Variants in CSNK1G1 observed in about 807,000 individuals in gnomAD.
The protein encoded by CSNK1G1 is casein kinase I isoform gamma-1.
Under a neutral mutation model 59.6 loss-of-function variants are expected in CSNK1G1, and 22 were observed. The observed-to-expected ratio is 0.37, with a 90% CI of 0.26 to 0.53. CSNK1G1 has a LOEUF of 0.53. Among genes scored for constraint, CSNK1G1 ranks in the 20% least tolerant of loss-of-function variants. The pLI is 0.89. For synonymous variants in CSNK1G1, 179 were observed against 177.1 expected, an observed-to-expected ratio of 1.01 and a Z score of -0.08; for missense variants, 384 against 519.5, an observed-to-expected ratio of 0.74 and a Z score of 2.54.
intron 1 of CSNK1G1, among the ~76,000 whole-genome samples, chr15:64,334,283 G>T (rs1488960662): frequency 2.0e-5 from 3 of 152,120 alleles, no homozygotes; most frequent in Non-Finnish European, 4.4e-5. Context: ...CTGCCAAAGT[G>T]CTGGGATTAC....
intron 3 of CSNK1G1, among the ~76,000 whole-genome samples, chr15:64,256,677 T>C (rs1220541389): frequency 1.3e-5 from 2 of 152,156 alleles, no homozygotes; most frequent in Non-Finnish European, 2.9e-5. Flanking sequence ...CCTAGAAATG[T>C]GGGTGATGGA....
At chr15:64,178,223 C>T (rs994661840) in intron 11 of CSNK1G1, among the ~76,000 whole-genome samples, 6 of 152,008 alleles carry the variant, frequency 3.9e-5, no homozygotes, top group Non-Finnish European at 7.4e-5. Flanking sequence ...GTATGGAAAT[C>T]GAAAAACTGT....
chr15:64,188,439 C>T lies in CSNK1G1; in HGVS notation c.1108-7985G>A, dbSNP rs1022046306. The T allele has an allele frequency of 6.5e-6, 10 of 1,536,116 alleles. No homozygotes were observed. In the Admixed American group the frequency reaches 9.8e-5, roughly 15 times the overall value. On this transcript the variant is annotated intron_variant, in intron 10 of 11. Transcript: ENST00000303052. This position sits in a 1 kb window ranked among gnomAD's most constrained non-coding sequence, Gnocchi z 4.2. The stretch of plus-strand genomic sequence containing the variant: ...CGTTAGGTATGAGGTATTGGTCTGC[C>T]GGCTGGGCTGAATTTCCCACTCTCC...
rs549459964 is a variant in CSNK1G1, at chr15:64,312,937, T to A, written c.-224-12214A>T. On this transcript the variant is annotated intron_variant, in intron 1 of 11. Transcript: ENST00000303052. ...AAAAACAAACAACCCCATCAAAAAG[T>A]GGGCAAAGGATATAAACAGACACTT... Among the ~76,000 whole-genome samples, 470 of 152,240 alleles carry A rather than the reference T, an allele frequency of 3.1e-3. 1 individual carries two copies. Among genetic ancestry groups the A allele is most frequent in the African/African-American group, 0.011 (453 of 41,534 alleles).
rs1037255716 is a variant in CSNK1G1 at position 64,210,958 on chromosome 15, TG to T, written c.679+2931del. Among the ~76,000 whole-genome samples, 1 of 152,194 alleles carries T rather than the reference TG, an allele frequency of 6.6e-6. No homozygotes were observed. Among genetic ancestry groups the T allele is most frequent in the African/African-American group, 2.4e-5 (1 of 41,448 alleles). Reference sequence around the variant, plus strand: ...CCCCCCTTCCCATGTGATCTGCACATGCTGGCTGCTCCCCTTCCCCTTACAC... The same window carrying T: ...CCCCCCTTCCCATGTGATCTGCACATCTGGCTGCTCCCCTTCCCCTTACAC... On this transcript the variant is annotated intron_variant, in intron 6 of 11. Coordinates refer to ENST00000303052, the MANE Select transcript of CSNK1G1 (RefSeq NM_022048.5). The surrounding 1 kb of genome is among the most constrained non-coding windows in gnomAD (Gnocchi z 4.2).
chr15:64,297,348 C>T (rs544333907), intron 2 of CSNK1G1, among the ~76,000 whole-genome samples: 97 of 151,952 alleles, frequency 6.4e-4, no homozygotes, highest in East Asian at 4.5e-3. Flanking sequence ...CAACCCACTA[C>T]GCAAAATTTT....
Position 64,188,724 on chromosome 15 carries a change from A to G in CSNK1G1, c.1108-8270T>C, listed in dbSNP as rs765834824. On this transcript the variant is annotated intron_variant, in intron 10 of 11. Coordinates refer to ENST00000303052, the MANE Select transcript of CSNK1G1 (RefSeq NM_022048.5). The surrounding 1 kb of genome is among the most constrained non-coding windows in gnomAD (Gnocchi z 4.2). ...CTCCTTACCCAGAACCAGAAAACCA[A>G]TAACGACCAAAAGAGGAGGGAGGGG... 8.7e-5 allele frequency among the ~76,000 whole-genome samples: 13 copies of G among 149,908 alleles called. No individual in the cohort carries two copies. The highest frequency in any genetic ancestry group is 2.2e-4 in the East Asian group (1 of 4,582).
intron 1 of CSNK1G1, among the ~76,000 whole-genome samples, chr15:64,304,226 A>G (rs1388503466): frequency 6.6e-6 from 1 of 151,716 alleles, no homozygotes. Flanking sequence ...TGTCTCTACT[A>G]AAAATACAAA....
chr15:64,211,550 T>C (rs1427111190), intron 6 of CSNK1G1, among the ~76,000 whole-genome samples: 1 of 152,092 alleles, frequency 6.6e-6, no homozygotes, highest in Non-Finnish European at 1.5e-5. Flanking sequence ...TGATGCACAG[T>C]AGATGCTTAA....
chr15:64,237,217 T>C (rs2082628413), intron 4 of CSNK1G1, among the ~76,000 whole-genome samples: 1 of 152,136 alleles, frequency 6.6e-6, no homozygotes, highest in South Asian at 2.1e-4. Context: ...AACCCTGACT[T>C]GACCACTATG....
intron 1 of CSNK1G1, among the ~76,000 whole-genome samples, chr15:64,354,469 C>A (rs1898524350): frequency 6.6e-6 from 1 of 152,160 alleles, no homozygotes; most frequent in African/African-American, 2.4e-5. Context: ...TGAGAAAAAT[C>A]TATAAAATAT....
intron 2 of CSNK1G1, among the ~76,000 whole-genome samples, chr15:64,271,859 G>A (rs1566928107): frequency 1.3e-5 from 2 of 152,112 alleles, no homozygotes; most frequent in Non-Finnish European, 2.9e-5. Flanking sequence ...TGTCAGTGGA[G>A]TGCTGCTATT....
chr15:64,287,721 T>C (rs1471262483), intron 2 of CSNK1G1, among the ~76,000 whole-genome samples: 3 of 152,198 alleles, frequency 2.0e-5, no homozygotes, highest in African/African-American at 7.2e-5. Context: ...GTTAAAGGAA[T>C]GACAAATCTA....
At position 64,300,181 on chromosome 15, in the gene CSNK1G1, T is replaced by C. The variant is rs952795421; in HGVS notation, c.181+138A>G. On this transcript the variant is annotated intron_variant, in intron 2 of 11. Transcript: ENST00000303052. Reference sequence around the variant, plus strand: ...AATTGATAATGACTATAGTGCCCCTTCACAAATTATTTCTTAACAACAGGT... The same window carrying C: ...AATTGATAATGACTATAGTGCCCCTCCACAAATTATTTCTTAACAACAGGT... 9 of 770,988 alleles carry C rather than the reference T, an allele frequency of 1.2e-5. No homozygotes were observed. The African/African-American group carries it at 1.4e-4, about 12-fold the overall frequency. The allele number at this position is 770,988 out of a possible 1,614,324, so 47.8% of individuals were successfully genotyped here.
chr15:64,223,934 C>T (rs1436894097), intron 4 of CSNK1G1, among the ~76,000 whole-genome samples: 1 of 152,110 alleles, frequency 6.6e-6, no homozygotes, highest in African/African-American at 2.4e-5. Context: ...CTTTTATCAT[C>T]CAAGCTGTTA....
chr15:64,176,340 T>G lies in CSNK1G1; in HGVS notation c.1214+4008A>C, dbSNP rs541188575. 8 of 389,660 alleles carry G rather than the reference T, an allele frequency of 2.1e-5. No homozygotes were observed. The highest frequency in any genetic ancestry group is 3.2e-5 in the Non-Finnish European group (7 of 220,716). 24.1% of individuals were successfully genotyped at this position (389,660 alleles called of 1,614,324 possible). A position where few individuals can be genotyped will look rare whatever the true frequency, so the allele number is the denominator to read the frequency against. ...AAAGGAAGAGAGAGAAAGAGAGAGA[T>G]ATTAGTCCACAGAGGTGAAATGGAA... On this transcript the variant is annotated intron_variant, in intron 11 of 11. Transcript: ENST00000303052. The surrounding 1 kb of genome is among the most constrained non-coding windows in gnomAD (Gnocchi z 5.2).
At chr15:64,198,161 AG>A (rs933617661) in intron 10 of CSNK1G1, among the ~76,000 whole-genome samples, 5 of 150,436 alleles carry the variant, frequency 3.3e-5, no homozygotes, top group Admixed American at 2.0e-4. Context: ...TTTGAGGACA[AG>A]GACTCCCTAC....
chr15:64,235,360 C>T (rs918428077), intron 4 of CSNK1G1, among the ~76,000 whole-genome samples: 4 of 152,092 alleles, frequency 2.6e-5, no homozygotes, highest in African/African-American at 9.7e-5. Flanking sequence ...TTGTTTCACA[C>T]AATAGATAAC....
chr15:64,267,271 AAAAAG>A (rs1205936837), intron 2 of CSNK1G1, among the ~76,000 whole-genome samples: 7 of 151,036 alleles, frequency 4.6e-5, no homozygotes, highest in South Asian at 4.2e-4. Flanking sequence ...AAAAAAAAAA[AAAAAG>A]AAAAGAAAAG....
Sources: gnomAD v4.1 joint callset for allele counts (sites outside exome capture counted in the v4.1 genomes callset) on GRCh38, gnomAD v4.1.1 for gene constraint, Gnocchi (gnomAD v3.1) non-coding constraint, MANE v1.5 for transcripts, NCBI Gene and HGNC (gene_info 2026-07-23, HGNC 2026-07-21) for gene names.